Variants in CLIC4 observed in about 807,000 individuals in gnomAD.
CLIC4 encodes the protein CLIC family member 4.
A neutral mutation model predicts 24.6 loss-of-function variants in CLIC4; 13 were observed. That is an observed-to-expected ratio of 0.53 (90% confidence interval 0.34 to 0.84). CLIC4 has a LOEUF of 0.84. Ranked by LOEUF, CLIC4 falls within the 40% of genes least tolerant of loss-of-function variation. CLIC4 has a pLI of 0.01. For synonymous variants in CLIC4, 104 were observed against 111.3 expected, an observed-to-expected ratio of 0.93 and a Z score of 0.41; for missense variants, 227 against 301.7, an observed-to-expected ratio of 0.75 and a Z score of 1.83.
intron 2 of CLIC4, among the ~76,000 whole-genome samples, chr1:24,810,289 T>C (rs1035310023): frequency 3.3e-5 from 5 of 152,250 alleles, no homozygotes; most frequent in African/African-American, 4.8e-5. Flanking sequence ...TTATGTTTGA[T>C]TGTTATATCT....
In CLIC4 at chr1:24,843,381, T is replaced by C. The variant is rs951596230; in HGVS notation, c.*2444T>C. The C allele has an allele frequency of 6.6e-6, 1 of 152,184 alleles. No individual in the cohort carries two copies. Among genetic ancestry groups the C allele is most frequent in the South Asian group, 2.1e-4 (1 of 4,834 alleles). 9.4% of individuals were successfully genotyped at this position (152,184 alleles called of 1,614,324 possible). The stretch of plus-strand genomic sequence containing the variant: ...GTAGACAGTTCATGCAGTATATGAA[T>C]TGCCATAATGGAAATAATCTGATTT... On this transcript the variant is annotated 3_prime_UTR_variant, in exon 6 of 6. Coordinates refer to ENST00000374379, the MANE Select transcript of CLIC4 (RefSeq NM_013943.3).
intron 3 of CLIC4, among the ~76,000 whole-genome samples, chr1:24,818,277 GT>G: frequency 6.6e-6 from 1 of 150,886 alleles, no homozygotes; most frequent in East Asian, 2.0e-4. Context: ...ACTCAATTTG[GT>G]TTTTTTTTGT....
At chr1:24,837,302 T>G (rs1200012876) in intron 4 of CLIC4, among the ~76,000 whole-genome samples, 1 of 152,204 alleles carries the variant, frequency 6.6e-6, no homozygotes, top group Non-Finnish European at 1.5e-5. Context: ...TTTATGCTTA[T>G]AATTTTGAAA....
At position 24,820,067 on chromosome 1, in the gene CLIC4, G is replaced by GTGTATATATATATATATATATA. The variant is rs1212033050; in HGVS notation, c.308+5849_308+5850insGTATATATATATATATATATAT. 3.8e-3 allele frequency among the ~76,000 whole-genome samples: 138 copies of GTGTATATATATATATATATATA among 36,430 alleles called. 21 individuals are homozygous for GTGTATATATATATATATATATA. Among genetic ancestry groups the GTGTATATATATATATATATATA allele is most frequent in the South Asian group, 7.0e-3 (5 of 712 alleles). 23.9% of individuals were successfully genotyped at this position (36,430 alleles called of 152,430 possible). ...TACTTCAAAAAAAAAAAAAAAGTATGTATATATATATGTATATATATATAT... is the reference window on the plus strand; with the variant it reads ...TACTTCAAAAAAAAAAAAAAAGTATGTGTATATATATATATATATATATATATATATATGTATATATATATAT... On this transcript the variant is annotated intron_variant, in intron 3 of 5. Transcript: ENST00000374379.
chr1:24,778,943 A>G (rs1354123609), intron 1 of CLIC4, among the ~76,000 whole-genome samples: 1 of 152,238 alleles, frequency 6.6e-6, no homozygotes, highest in Non-Finnish European at 1.5e-5. Flanking sequence ...AACTCACGAC[A>G]TTAATTCCAT....
intron 2 of CLIC4, among the ~76,000 whole-genome samples, chr1:24,807,272 G>A (rs7536939): frequency 0.013 from 2,004 of 151,474 alleles, 49 homozygotes; most frequent in African/African-American, 0.046. Context: ...TACCCCTTTG[G>A]GTTTGTTTTT....
chr1:24,802,038 C>G (rs1031975300), intron 2 of CLIC4, among the ~76,000 whole-genome samples: 3 of 152,074 alleles, frequency 2.0e-5, no homozygotes, highest in Admixed American at 2.0e-4. Context: ...GAGTGTGCCA[C>G]CAGGCACACA....
Position 24,841,160 on chromosome 1 carries a change from T to TC in CLIC4, c.*227dup. 3.4e-6 allele frequency: 1 copy of TC among 291,574 alleles called. No individual in the cohort carries two copies. The highest frequency in any genetic ancestry group is 1.5e-4 in the South Asian group (1 of 6,796). The allele number at this position is 291,574 out of a possible 1,614,324, so 18.1% of individuals were successfully genotyped here. ...CCCTGGCTACCTCCCCTACCCGGGTTCCCCTCTCTTTAATTTGGAGACACT... is the reference window on the plus strand; with the variant it reads ...CCCTGGCTACCTCCCCTACCCGGGTTCCCCCTCTCTTTAATTTGGAGACACT... On this transcript the variant is annotated 3_prime_UTR_variant, in exon 6 of 6. Transcript: ENST00000374379.
At chr1:24,745,918 C>G (rs1333394815) in intron 1 of CLIC4, among the ~76,000 whole-genome samples, 3 of 150,880 alleles carry the variant, frequency 2.0e-5, no homozygotes, top group East Asian at 2.0e-4. Context: ...GAAGAGCCCA[C>G]GGGCGGGACT....
At chr1:24,777,255 A>G (rs535623906) in intron 1 of CLIC4, among the ~76,000 whole-genome samples, 1 of 152,296 alleles carries the variant, frequency 6.6e-6, no homozygotes, top group African/African-American at 2.4e-5. Context: ...ATAGGAATAA[A>G]TGGTTTCAGG....
chr1:24,783,859 A>C (rs965255640), intron 1 of CLIC4, among the ~76,000 whole-genome samples: 1 of 152,362 alleles, frequency 6.6e-6, no homozygotes, highest in South Asian at 2.1e-4. Context: ...AAGACATGAT[A>C]GCGTGAAGGG....
chr1:24,818,433 C>G (rs1006323636), intron 3 of CLIC4, among the ~76,000 whole-genome samples: 1 of 152,006 alleles, frequency 6.6e-6, no homozygotes, highest in African/African-American at 2.4e-5. Context: ...ATTACAGGCA[C>G]CTGCCACCAT....
chr1:24,809,522 G>A (rs1180840615), intron 2 of CLIC4, among the ~76,000 whole-genome samples: 1 of 152,180 alleles, frequency 6.6e-6, no homozygotes, highest in African/African-American at 2.4e-5. Context: ...CCAGGCTGAA[G>A]TGCAGTGGTG....
intron 2 of CLIC4, among the ~76,000 whole-genome samples, chr1:24,808,929 C>T (rs1004798001): frequency 2.0e-5 from 3 of 152,192 alleles, no homozygotes; most frequent in Non-Finnish European, 2.9e-5. Flanking sequence ...CTGCATGCCT[C>T]GGCCTCCCAA....
chr1:24,773,510 C>CT (rs1639096687), intron 1 of CLIC4, among the ~76,000 whole-genome samples: 1 of 151,202 alleles, frequency 6.6e-6, no homozygotes, highest in African/African-American at 2.4e-5. Context: ...AGGGAAGACC[C>CT]TGGCAGTTAG....
intron 2 of CLIC4, among the ~76,000 whole-genome samples, chr1:24,813,023 T>C (rs1639630123): frequency 6.8e-6 from 1 of 147,740 alleles, no homozygotes; most frequent in South Asian, 2.1e-4. Flanking sequence ...GGTTGAAAAA[T>C]ACCTTTCTTT....
intron 3 of CLIC4, among the ~76,000 whole-genome samples, chr1:24,825,037 CACAA>C (rs1362920274): frequency 5.6e-5 from 8 of 142,672 alleles, no homozygotes; most frequent in Middle Eastern, 3.4e-3. Flanking sequence ...CACACACACA[CACAA>C]AAGTACAAAA....
chr1:24,837,736 G>A (rs532386355), intron 4 of CLIC4, among the ~76,000 whole-genome samples: 6 of 152,274 alleles, frequency 3.9e-5, no homozygotes, highest in African/African-American at 1.2e-4. Context: ...AAATCTGGCC[G>A]GTTGCAGTGA....
intron 2 of CLIC4, among the ~76,000 whole-genome samples, chr1:24,798,934 G>C (rs368050658): frequency 3.9e-5 from 6 of 152,328 alleles, no homozygotes; most frequent in East Asian, 1.9e-4. Flanking sequence ...GACGGAGTCT[G>C]GTTCACTCAG....
Sources: gnomAD v4.1 joint callset for allele counts (sites outside exome capture counted in the v4.1 genomes callset) on GRCh38, gnomAD v4.1.1 for gene constraint, MANE v1.5 for transcripts, NCBI Gene and HGNC (gene_info 2026-07-23, HGNC 2026-07-21) for gene names.